Variants in MTSS1 observed in about 807,000 individuals in gnomAD.
MTSS1 encodes MTSS I-BAR domain containing 1.
Under a neutral mutation model 79.0 loss-of-function variants are expected in MTSS1, and 18 were observed. The ratio of observed to expected loss-of-function variants is 0.23; its 90% CI spans 0.16 to 0.34. The LOEUF (loss-of-function observed/expected upper bound fraction) is 0.34. Ranked by LOEUF, MTSS1 falls within the 10% of genes least tolerant of loss-of-function variation. MTSS1 has a pLI of 1.00. For missense variants in MTSS1, 815 were observed against 986.2 expected (o/e 0.83, Z 2.33); for synonymous variants, 341 against 368.6 (o/e 0.93, Z 0.86).
At chr8:124,556,615 T>C (rs1295401608) in intron 11 of MTSS1, 1 of 590,892 alleles carries the variant, frequency 1.7e-6, no homozygotes, top group Non-Finnish European at 2.9e-6. Context: ...ACCTCCCTTT[T>C]CCTCGTCTCT....
At chr8:124,724,853 T>A (rs74355816) in intron 1 of MTSS1, among the ~76,000 whole-genome samples, 1 of 152,146 alleles carries the variant, frequency 6.6e-6, no homozygotes. Flanking sequence ...CGGAAGGCAG[T>A]CAACATCACT....
chr8:124,631,512 G>A (rs1451273527), intron 3 of MTSS1, among the ~76,000 whole-genome samples: 1 of 152,166 alleles, frequency 6.6e-6, no homozygotes, highest in Admixed American at 6.5e-5. Context: ...ATGCTCCCAG[G>A]CTTTGTTGGT....
chr8:124,613,422 C>T (rs1237916856), intron 3 of MTSS1, among the ~76,000 whole-genome samples: 1 of 152,240 alleles, frequency 6.6e-6, no homozygotes, highest in Non-Finnish European at 1.5e-5. Flanking sequence ...TATTCTAGAC[C>T]TCTTCACTGC....
intron 1 of MTSS1, among the ~76,000 whole-genome samples, chr8:124,715,617 T>G (rs1337336183): frequency 6.6e-6 from 1 of 152,212 alleles, no homozygotes; most frequent in East Asian, 1.9e-4. Context: ...AACGATGCCC[T>G]GGTAGCCAGT....
chr8:124,606,167 T>G (rs1197724711), intron 3 of MTSS1, among the ~76,000 whole-genome samples: 1 of 105,720 alleles, frequency 9.5e-6, no homozygotes, highest in East Asian at 2.9e-4. Context: ...GTGTTTGGTT[T>G]TTTGTTTTTT....
intron 3 of MTSS1, among the ~76,000 whole-genome samples, chr8:124,640,069 G>A (rs1168079568): frequency 6.6e-6 from 1 of 152,164 alleles, no homozygotes; most frequent in Admixed American, 6.5e-5. Flanking sequence ...CTGCAGTGCT[G>A]GACAGTTGTC....
chr8:124,587,754 C>T (rs901842527), intron 5 of MTSS1, among the ~76,000 whole-genome samples: 14 of 152,232 alleles, frequency 9.2e-5, no homozygotes, highest in African/African-American at 3.1e-4. Context: ...ATCCACCCGC[C>T]TCGGCCTCCC....
Position 124,727,647 on chromosome 8 carries a change from G to C in MTSS1, c.72+237C>G. The C allele has an allele frequency of 1.5e-6, 1 of 656,996 alleles. No homozygotes were observed. The highest frequency in any genetic ancestry group is 2.4e-4 in the Middle Eastern group (1 of 4,136). 40.7% of individuals were successfully genotyped at this position (656,996 alleles called of 1,614,324 possible). On this transcript the variant is annotated intron_variant, in intron 1 of 13. Transcript: ENST00000518547. The surrounding 1 kb of genome is among the most constrained non-coding windows in gnomAD (Gnocchi z 4.7). ...GGTGCCGCCCCCTGGGACAATGAGC[G>C]GGGGAGATGGCGTGGGACAGCAGAC... is the stretch of plus-strand genomic sequence containing the variant.
chr8:124,693,240 G>A (rs566074488), intron 3 of MTSS1, among the ~76,000 whole-genome samples: 15 of 152,262 alleles, frequency 9.9e-5, no homozygotes, highest in Admixed American at 7.8e-4. Flanking sequence ...TGCAGTTGCC[G>A]GCCATGGGTG....
intron 3 of MTSS1, among the ~76,000 whole-genome samples, chr8:124,649,305 TC>T (rs1819543718): frequency 6.6e-6 from 1 of 152,186 alleles, no homozygotes; most frequent in Non-Finnish European, 1.5e-5. Flanking sequence ...GTAAAAGTTT[TC>T]CCTGTGTGGT....
At position 124,727,722 on chromosome 8, in the gene MTSS1, C is replaced by A. The variant is rs1833942013; in HGVS notation, c.72+162G>T. On this transcript the variant is annotated intron_variant, in intron 1 of 13. Coordinates refer to ENST00000518547, the MANE Select transcript of MTSS1 (RefSeq NM_014751.6). The surrounding 1 kb of genome is among the most constrained non-coding windows in gnomAD (Gnocchi z 4.7). ...AGTGACCCCGCAGAGCCCGGAGCAG[C>A]GCCCCGGGTGAGCAGGTGACACTCC... 1.6e-5 allele frequency: 11 copies of A among 682,220 alleles called. No individual in the cohort carries two copies. The highest frequency in any genetic ancestry group is 2.6e-5 in the Non-Finnish European group (10 of 386,496). The allele number at this position is 682,220 out of a possible 1,614,324, so 42.3% of individuals were successfully genotyped here.
intron 3 of MTSS1, among the ~76,000 whole-genome samples, chr8:124,596,254 G>A (rs1832741307): frequency 6.6e-6 from 1 of 152,214 alleles, no homozygotes; most frequent in Non-Finnish European, 1.5e-5. Flanking sequence ...AGGAGCAATG[G>A]CCTCTCATGC....
intron 3 of MTSS1, 100 bp downstream of exon 3, chr8:124,699,426 C>T (rs1829373094): frequency 1.9e-6 from 2 of 1,054,804 alleles, no homozygotes; most frequent in South Asian, 2.7e-5. Context: ...GTCAGCTCAG[C>T]TCTGATAACT....
intron 3 of MTSS1, among the ~76,000 whole-genome samples, chr8:124,609,357 T>C (rs1835378437): frequency 6.6e-6 from 1 of 152,052 alleles, no homozygotes; most frequent in Admixed American, 6.5e-5. Context: ...AGGGAGAGCA[T>C]GGGAGGGCTG....
chr8:124,654,214 G>A (rs1055464216), intron 3 of MTSS1, among the ~76,000 whole-genome samples: 1 of 152,216 alleles, frequency 6.6e-6, no homozygotes, highest in Non-Finnish European at 1.5e-5. Context: ...GATGGTAGCT[G>A]CTGATACAAT....
At chr8:124,619,337 T>C (rs1813007214) in intron 3 of MTSS1, 2 of 152,232 alleles carry the variant, frequency 1.3e-5, no homozygotes, top group Admixed American at 1.3e-4. Context: ...CTCTAAGACC[T>C]CGCCTGGGTA....
At chr8:124,691,475 C>G (rs1217525400) in intron 3 of MTSS1, among the ~76,000 whole-genome samples, 1 of 152,128 alleles carries the variant, frequency 6.6e-6, no homozygotes, top group Non-Finnish European at 1.5e-5. Flanking sequence ...CATACATGTA[C>G]ACAAACACAT....
chr8:124,724,557 G>A (rs1013143616), intron 1 of MTSS1, among the ~76,000 whole-genome samples: 10 of 152,298 alleles, frequency 6.6e-5, no homozygotes, highest in African/African-American at 1.9e-4. Flanking sequence ...CAACAAGGGT[G>A]AAGAAAATAT....
chr8:124,655,303 C>T (rs182083952), intron 3 of MTSS1, among the ~76,000 whole-genome samples: 2 of 152,234 alleles, frequency 1.3e-5, no homozygotes, highest in East Asian at 1.9e-4. Flanking sequence ...AGAAACAACA[C>T]ATTAGATGCT....
Sources: gnomAD v4.1 joint callset for allele counts (sites outside exome capture counted in the v4.1 genomes callset) on GRCh38, gnomAD v4.1.1 for gene constraint, Gnocchi (gnomAD v3.1) non-coding constraint, MANE v1.5 for transcripts, NCBI Gene and HGNC (gene_info 2026-07-23, HGNC 2026-07-21) for gene names.